NELL1: variants seen among roughly 807,000 people sequenced by gnomAD.
The protein encoded by NELL1 is protein kinase C-binding protein NELL1.
In NELL1, 76 loss-of-function variants were observed where a neutral mutation model predicts 107.4. That is an observed-to-expected ratio of 0.71 (90% CI 0.59 to 0.86). The LOEUF is 0.86. NELL1 is among the 40% of genes least tolerant of loss of function. The pLI is 0.00. For missense variants in NELL1, 1,024 were observed against 1,005.5 expected, an observed-to-expected ratio of 1.02 and a Z score of -0.25; for synonymous variants, 353 against 341.2, an observed-to-expected ratio of 1.03 and a Z score of -0.38.
intron 5 of NELL1, among the ~76,000 whole-genome samples, chr11:20,903,424 T>C (rs66956722): frequency 0.19 from 29,078 of 151,960 alleles, 3,167 homozygotes; most frequent in South Asian, 0.3. Flanking sequence ...AATTATTGTG[T>C]ACACTTAGAC....
At chr11:21,286,123 T>C (rs1849110004) in intron 14 of NELL1, among the ~76,000 whole-genome samples, 1 of 152,204 alleles carries the variant, frequency 6.6e-6, no homozygotes, top group African/African-American at 2.4e-5. Context: ...GAAAGTTTCT[T>C]ACAGTTTCCA....
chr11:20,952,515 A>C (rs1851088652), intron 11 of NELL1, among the ~76,000 whole-genome samples: 1 of 152,156 alleles, frequency 6.6e-6, no homozygotes, highest in Admixed American at 6.5e-5. Context: ...TGAGAAGAAA[A>C]GAGACCTGAG....
At chr11:20,751,496 A>AGTTGGGGTCTCACTCTGTTG (rs1856137432) in intron 2 of NELL1, among the ~76,000 whole-genome samples, 1 of 151,130 alleles carries the variant, frequency 6.6e-6, no homozygotes, top group African/African-American at 2.4e-5. Context: ...TTTCTTTTGG[A>AGTTGGGGTCTCACTCTGTTG]GTTGGGGTCT....
rs184340787 is a variant in NELL1, at chr11:21,031,488, C to G, written c.1300+70928C>G. ...AGATTGAGAACACATTCTGATACTTCTTAGTTGTGTGATATTAAGGAAGGT... is the reference window on the plus strand; with the variant it reads ...AGATTGAGAACACATTCTGATACTTGTTAGTTGTGTGATATTAAGGAAGGT... On this transcript the variant is annotated intron_variant, in intron 12 of 19. Transcript: ENST00000357134. Among the ~76,000 whole-genome samples, 485 of 152,268 alleles carry G rather than the reference C, an allele frequency of 3.2e-3. 6 individuals are homozygous for G. The highest frequency in any genetic ancestry group is 0.011 in the African/African-American group (450 of 41,544).
intron 15 of NELL1, among the ~76,000 whole-genome samples, chr11:21,424,775 A>G (rs1360347462): frequency 2.0e-5 from 3 of 152,198 alleles, no homozygotes; most frequent in African/African-American, 7.2e-5. Context: ...TAAACCTATA[A>G]CAAATGAGAT....
Position 21,097,148 on chromosome 11 carries a change from A to C in NELL1, c.1301-16441A>C, listed in dbSNP as rs574245464. 2.6e-5 allele frequency among the ~76,000 whole-genome samples: 4 copies of C among 152,274 alleles called. No individual in the cohort carries two copies. The East Asian group carries it at 7.7e-4, about 29-fold the overall frequency. On this transcript the variant is annotated intron_variant, in intron 12 of 19. Coordinates refer to ENST00000357134, the MANE Select transcript of NELL1 (RefSeq NM_006157.5). ...CTCACTCCACTCATCAACTCGCTGC[A>C]GCCAGATTTCTACGTTCATTCTACT...
intron 15 of NELL1, among the ~76,000 whole-genome samples, chr11:21,500,166 T>G (rs1855098567): frequency 6.6e-6 from 1 of 152,128 alleles, no homozygotes. Flanking sequence ...CAGAAAAATC[T>G]TGTCTTCCTT....
At chr11:20,714,683 TG>T (rs1590227916) in intron 2 of NELL1, among the ~76,000 whole-genome samples, 1 of 152,034 alleles carries the variant, frequency 6.6e-6, no homozygotes, top group African/African-American at 2.4e-5. Flanking sequence ...CCACCACACC[TG>T]GCTAATGAGA....
intron 2 of NELL1, among the ~76,000 whole-genome samples, chr11:20,782,137 G>A (rs74934575): frequency 0.029 from 4,410 of 152,124 alleles, 235 homozygotes; most frequent in African/African-American, 0.1. Flanking sequence ...CATTTAATAG[G>A]TTTTAAATGT....
intron 14 of NELL1, among the ~76,000 whole-genome samples, chr11:21,293,700 G>T (rs1264775574): frequency 1.3e-5 from 2 of 152,182 alleles, no homozygotes; most frequent in Non-Finnish European, 2.9e-5. Context: ...ATCAGTGATA[G>T]ACTGGATAAA....
intron 2 of NELL1, among the ~76,000 whole-genome samples, chr11:20,678,830 C>T (rs939681976): frequency 3.9e-5 from 6 of 152,164 alleles, no homozygotes; most frequent in African/African-American, 1.4e-4. Flanking sequence ...TCTAAAGGCC[C>T]CACCTCTTAA....
intron 4 of NELL1, among the ~76,000 whole-genome samples, chr11:20,854,184 T>G (rs960598954): frequency 1.3e-5 from 2 of 152,200 alleles, no homozygotes; most frequent in African/African-American, 4.8e-5. Context: ...AAGTCTGGCT[T>G]TTTAGCTCAA....
At chr11:20,707,871 G>C (rs1590222559) in intron 2 of NELL1, among the ~76,000 whole-genome samples, 1 of 152,216 alleles carries the variant, frequency 6.6e-6, no homozygotes, top group South Asian at 2.1e-4. Flanking sequence ...TTTCTTCAAA[G>C]CTGTCAGACA....
intron 1 of NELL1, among the ~76,000 whole-genome samples, chr11:20,672,986 C>A (rs1034509696): frequency 8.2e-6 from 1 of 121,510 alleles, no homozygotes; most frequent in African/African-American, 3.4e-5. Context: ...CCCCCCCCCC[C>A]CGAGTAGCTG....
At chr11:20,996,861 C>T (rs1020194092) in intron 12 of NELL1, among the ~76,000 whole-genome samples, 1 of 152,102 alleles carries the variant, frequency 6.6e-6, no homozygotes, top group African/African-American at 2.4e-5. Context: ...GTATTAGGTC[C>T]TTAACACCTT....
At chr11:21,338,357 A>G (rs994893644) in intron 14 of NELL1, among the ~76,000 whole-genome samples, 3 of 152,182 alleles carry the variant, frequency 2.0e-5, no homozygotes, top group Non-Finnish European at 4.4e-5. Flanking sequence ...GAAAATACAT[A>G]TGGTTGCCCA....
At chr11:20,692,939 T>C (rs1338186126) in intron 2 of NELL1, among the ~76,000 whole-genome samples, 2 of 152,088 alleles carry the variant, frequency 1.3e-5, no homozygotes, top group Non-Finnish European at 2.9e-5. Flanking sequence ...TTGTGGGTCA[T>C]TCAGGACTTG....
intron 14 of NELL1, among the ~76,000 whole-genome samples, chr11:21,232,055 T>G (rs891524322): frequency 4.0e-5 from 6 of 150,872 alleles, no homozygotes; most frequent in Admixed American, 6.6e-5. Flanking sequence ...TCCCAGCACT[T>G]TGGGAGGCTG....
At chr11:20,734,209 G>A (rs1855710475) in intron 2 of NELL1, among the ~76,000 whole-genome samples, 1 of 152,136 alleles carries the variant, frequency 6.6e-6, no homozygotes, top group African/African-American at 2.4e-5. Flanking sequence ...AGAATTGGGA[G>A]TAGCAGGAGT....
Sources: gnomAD v4.1 joint callset for allele counts (sites outside exome capture counted in the v4.1 genomes callset) on GRCh38, gnomAD v4.1.1 for gene constraint, MANE v1.5 for transcripts, NCBI Gene and HGNC (gene_info 2026-07-23, HGNC 2026-07-21) for gene names.